Variants in PTCH2 observed in about 807,000 individuals in gnomAD.
PTCH2 encodes the protein patched 2.
Under a neutral mutation model 117.9 loss-of-function variants are expected in PTCH2, and 96 were observed. The ratio of observed to expected loss-of-function variants is 0.81; its 90% CI spans 0.69 to 0.96. The LOEUF is 0.96. PTCH2 is among the 50% of genes least tolerant of loss of function. PTCH2 has a pLI of 0.00. For missense variants in PTCH2, 1,379 were observed against 1,562.5 expected (o/e 0.88, Z 1.98); for synonymous variants, 615 against 660.9 (o/e 0.93, Z 1.06).
intron 2 of PTCH2, among the ~76,000 whole-genome samples, chr1:44,832,934 G>A (rs1653524003): frequency 6.6e-6 from 1 of 152,182 alleles, no homozygotes; most frequent in African/African-American, 2.4e-5. Flanking sequence ...AATGGGCCCT[G>A]TGTTGGTGTG....
chr1:44,830,851 C>T lies in PTCH2; in HGVS notation c.810G>A (p.Arg270=). ...GGCAGACCTGGTTGGAACCCACCTG[C>T]CTGCTGTGATGGTTGGGGGCACTAG... The part of the protein sequence containing the change: ...CPPSAPNHHS[R]QAPNVAHELS... The change falls in exon 6 of 22, where the codon AGG becomes AGA. Residue 270 remains arginine (R), a synonymous_variant. Coordinates refer to ENST00000372192, the MANE Select transcript of PTCH2 (RefSeq NM_003738.5). 6.4e-7 allele frequency: 1 copy of T among 1,551,810 alleles called. No homozygotes were observed. Among genetic ancestry groups the T allele is most frequent in the African/African-American group, 1.4e-5 (1 of 73,486 alleles).
intron 14 of PTCH2, 49 bp from the exon 15 acceptor site, chr1:44,827,763 C>T (rs745354016): frequency 6.2e-7 from 1 of 1,611,690 alleles, no homozygotes; most frequent in Non-Finnish European, 8.5e-7. Context: ...GCCCCCAGCC[C>T]CTCAGGCAGT....
Position 44,843,189 on chromosome 1 carries a change from T to C in PTCH2, c.-257A>G. On this transcript the variant is annotated 5_prime_UTR_variant, in exon 1 of 22. Transcript: ENST00000372192. The stretch of plus-strand genomic sequence containing the variant: ...TGGGCCGCGGCGGCTGGAGGAGGAA[T>C]GGGTCCCGCGCGCAGGCGGAATTGC... 1 of 1,223,718 alleles carries C rather than the reference T, an allele frequency of 8.2e-7. No individual in the cohort carries two copies. The highest frequency in any genetic ancestry group is 1.6e-5 in the African/African-American group (1 of 62,888). 75.8% of individuals were successfully genotyped at this position (1,223,718 alleles called of 1,614,324 possible).
chr1:44,831,630 C>T lies in PTCH2; in HGVS notation c.617+76G>A, dbSNP rs1201808525. On this transcript the variant is annotated intron_variant, in intron 5 of 21. Coordinates refer to ENST00000372192, the MANE Select transcript of PTCH2 (RefSeq NM_003738.5). The surrounding 1 kb of genome is among the most constrained non-coding windows in gnomAD (Gnocchi z 4.3). The stretch of plus-strand genomic sequence containing the variant: ...ACCTTGGTAAGGTTTTGATCATCCT[C>T]ATTCCCCAGACCCCTCCTTTCTGCT... The T allele has an allele frequency of 1.1e-5, 15 of 1,403,190 alleles. No individual in the cohort carries two copies. The highest frequency in any genetic ancestry group is 1.5e-5 in the Non-Finnish European group (15 of 1,012,924). 86.9% of individuals were successfully genotyped at this position (1,403,190 alleles called of 1,614,324 possible). A position where few individuals can be genotyped will look rare whatever the true frequency, so the allele number is the denominator to read the frequency against.
rs375182131 is a variant in PTCH2 at position 44,832,136 on chromosome 1, G to A, written c.455+16C>T. ...ACGCCTCGCCCCCAGCTGCTCAGGG[G>A]CTCAGCCAGACTCACTTCCCATAGA... On this transcript the variant is annotated intron_variant, in intron 3 of 21. Coordinates refer to ENST00000372192, the MANE Select transcript of PTCH2 (RefSeq NM_003738.5). 19 of 1,614,008 alleles carry A rather than the reference G, an allele frequency of 1.2e-5. No homozygotes were observed. In the South Asian group the frequency reaches 2.1e-4, roughly 18 times the overall value.
intron 21 of PTCH2, 47 bp from the exon 22 acceptor site, chr1:44,822,716 C>T (rs781013617): frequency 2.3e-5 from 36 of 1,575,498 alleles, no homozygotes; most frequent in Non-Finnish European, 2.8e-5. Context: ...CCCTGGGGCT[C>T]CCGTCCCCTT....
intron 2 of PTCH2, among the ~76,000 whole-genome samples, chr1:44,832,770 C>T (rs1653515731): frequency 1.3e-5 from 2 of 152,146 alleles, no homozygotes; most frequent in Non-Finnish European, 2.9e-5. Flanking sequence ...AGGGAGGCTG[C>T]TGCTAGGAGG....
chr1:44,833,412 A>G (rs1653544193), intron 2 of PTCH2, among the ~76,000 whole-genome samples: 1 of 149,704 alleles, frequency 6.7e-6, no homozygotes, highest in South Asian at 2.1e-4. Flanking sequence ...CCCATCTGAG[A>G]TCGTCATGTT....
chr1:44,819,956 A>T, downstream of PTCH2: 1 of 153,402 alleles, frequency 6.5e-6, no homozygotes, highest in East Asian at 1.9e-4. Flanking sequence ...ATCTTTAGTA[A>T]AAGGCGAAAG....
chr1:44,820,092 A>G (rs899803168), downstream of PTCH2: 4 of 304,756 alleles, frequency 1.3e-5, no homozygotes, highest in South Asian at 1.1e-4. Flanking sequence ...CCCTATATGT[A>G]GTTTATGCAC....
In PTCH2 at chr1:44,831,185, C is replaced by T; in HGVS notation, c.618-142G>A. ...ATGGAGGGTGTGCAAGCCTCAGCTT[C>T]TCAGAACTGCCAGGCTGCATGGGCC... On this transcript the variant is annotated intron_variant, in intron 5 of 21. Coordinates refer to ENST00000372192, the MANE Select transcript of PTCH2 (RefSeq NM_003738.5). The surrounding 1 kb of genome is among the most constrained non-coding windows in gnomAD (Gnocchi z 4.3). The T allele has an allele frequency of 9.2e-6, 8 of 871,566 alleles. No homozygotes were observed. The highest frequency in any genetic ancestry group is 1.2e-5 in the Non-Finnish European group (7 of 568,210). 54.0% of individuals were successfully genotyped at this position (871,566 alleles called of 1,614,324 possible).
At chr1:44,840,937 G>T (rs565188442) in intron 2 of PTCH2, among the ~76,000 whole-genome samples, 2 of 150,596 alleles carry the variant, frequency 1.3e-5, no homozygotes, top group African/African-American at 4.9e-5. Flanking sequence ...GGTGGCGCAC[G>T]CCTGTAATCC....
At position 44,827,487 on chromosome 1, in the gene PTCH2, G is replaced by A. The variant is rs1280511614; in HGVS notation, c.2286C>T (p.Arg762=). The part of the protein sequence containing the change: ...SQRALFDLHQ[R]FSSLKAVLPP... ...GCAGCACCGCCTTGAGGGAACTGAA[G>A]CGCTGGTGCAGATCAAAGAGGGCGC... Residue 762 remains arginine, a synonymous_variant, in exon 15 of 22, where the codon CGC becomes CGT. Transcript: ENST00000372192. 1 of 1,613,918 alleles carries A rather than the reference G, an allele frequency of 6.2e-7. No homozygotes were observed. The highest frequency in any genetic ancestry group is 8.5e-7 in the Non-Finnish European group (1 of 1,179,932).
chr1:44,823,184 G>T lies in PTCH2; in HGVS notation c.3258-16C>A, dbSNP rs778795322. On this transcript the variant is annotated splice_polypyrimidine_tract_variant and intron_variant, in intron 20 of 21. Coordinates refer to ENST00000372192, the MANE Select transcript of PTCH2 (RefSeq NM_003738.5). The surrounding 1 kb of genome is among the most constrained non-coding windows in gnomAD (Gnocchi z 5.1). ...AAAGAAGTACCTAGGGGTAGGGTGT[G>T]GGGGGAGTCAGCCCAGGCCTGTCCT... 9.3e-6 allele frequency: 15 copies of T among 1,613,974 alleles called. No individual in the cohort carries two copies. Among genetic ancestry groups the T allele is most frequent in the Admixed American group, 1.7e-5 (1 of 59,996 alleles).
chr1:44,830,866 G>A lies in PTCH2; in HGVS notation c.795C>T (p.Pro265=). 6.4e-7 allele frequency: 1 copy of A among 1,561,628 alleles called. No homozygotes were observed. The highest frequency in any genetic ancestry group is 8.7e-7 in the Non-Finnish European group (1 of 1,146,128). ...AACCCACCTGCCTGCTGTGATGGTT[G>A]GGGGCACTAGGTGGGCAGTGGAGGT... ...PDDLHCPPSA[P]NHHSRQAPNV... Residue 265 remains proline, a synonymous_variant, in exon 6 of 22, where the codon CCC becomes CCT. Coordinates refer to ENST00000372192, the MANE Select transcript of PTCH2 (RefSeq NM_003738.5).
At chr1:44,837,691 C>G (rs1018082803) in intron 2 of PTCH2, among the ~76,000 whole-genome samples, 22 of 152,090 alleles carry the variant, frequency 1.4e-4, no homozygotes, top group African/African-American at 5.1e-4. Flanking sequence ...TGAGCCACCA[C>G]GCCTGGCCTA....
downstream of PTCH2, chr1:44,820,432 G>C (rs1419377274): frequency 3.0e-6 from 2 of 671,226 alleles, no homozygotes; most frequent in African/African-American, 1.8e-5. Context: ...AGAGAGGGAC[G>C]GGGAAACAGA....
In PTCH2 at chr1:44,826,577, A is replaced by C. The variant is rs1241839386; in HGVS notation, c.2887T>G (p.Cys963Gly). ...FWEQYLGLRRCFLLAVCILLV... is the reference protein window; with the variant it reads ...FWEQYLGLRRGFLLAVCILLV... ...AGGATGCAGACGGCCAGCAGGAAGC[A>C]GCGCCGCAGGCCCAGATACTGTTCC... is the stretch of plus-strand genomic sequence containing the variant. The change falls in exon 18 of 22, where the codon TGC becomes GGC. Residue 963 changes from cysteine (C) to glycine (G), a missense_variant. Cys to Gly is a radical substitution (Grantham distance 159). Coordinates refer to ENST00000372192, the MANE Select transcript of PTCH2 (RefSeq NM_003738.5). This position sits in a 1 kb window ranked among gnomAD's most constrained non-coding sequence, Gnocchi z 5.1. 3 of 1,613,382 alleles carry C rather than the reference A, an allele frequency of 1.9e-6. No individual in the cohort carries two copies. The highest frequency in any genetic ancestry group is 2.5e-6 in the Non-Finnish European group (3 of 1,180,010).
chr1:44,836,765 T>C (rs1653706910), intron 2 of PTCH2, among the ~76,000 whole-genome samples: 1 of 151,762 alleles, frequency 6.6e-6, no homozygotes, highest in Non-Finnish European at 1.5e-5. Context: ...ATAGTGGGAC[T>C]GCGTCTCTAC....
Sources: gnomAD v4.1 joint callset for allele counts (sites outside exome capture counted in the v4.1 genomes callset) on GRCh38, gnomAD v4.1.1 for gene constraint, Gnocchi (gnomAD v3.1) non-coding constraint, MANE v1.5 for transcripts, NCBI Gene and HGNC (gene_info 2026-07-23, HGNC 2026-07-21) for gene names.